PSMG4: variants seen among roughly 807,000 people sequenced by gnomAD.
PSMG4 encodes the protein proteasome (prosome, macropain) assembly chaperone 4.
In PSMG4, 10 loss-of-function variants were observed where a neutral mutation model predicts 11.0. That is an observed-to-expected ratio of 0.91 (90% CI 0.56 to 1.54). The LOEUF is 1.54. Among genes scored for constraint, PSMG4 ranks in the 40% most tolerant of loss-of-function variants. The pLI is 0.00. For synonymous variants in PSMG4, 95 were observed against 71.3 expected (o/e 1.33, Z -1.68); for missense variants, 198 against 160.9 (o/e 1.23, Z -1.25).
Position 3,259,212 on chromosome 6 carries a change from CCGAGGG to C in PSMG4, c.174+17_174+22del. On this transcript the variant is annotated intron_variant, in intron 1 of 2. Transcript: ENST00000438998. ...CAGCCGCTACGTGAGTGCCTGGCGGCCGAGGGTGCGGGCGGCGGGGCGGGGGCGCGG... is the reference window on the plus strand; with the variant it reads ...CAGCCGCTACGTGAGTGCCTGGCGGCTGCGGGCGGCGGGGCGGGGGCGCGG... 7.8e-7 allele frequency: 1 copy of C among 1,280,844 alleles called. No homozygotes were observed. Among genetic ancestry groups the C allele is most frequent in the Non-Finnish European group, 9.8e-7 (1 of 1,015,676 alleles). 79.3% of individuals were successfully genotyped at this position (1,280,844 alleles called of 1,614,324 possible). A position where few individuals can be genotyped will look rare whatever the true frequency, so the allele number is the denominator to read the frequency against.
At chr6:3,254,480 T>C (rs140022947), upstream of PSMG4, among the ~76,000 whole-genome samples, 4,360 of 152,106 alleles carry the variant, frequency 0.029, 215 homozygotes, top group African/African-American at 0.1. Context: ...TAGATAAATA[T>C]TGTTGCTGGT....
upstream of PSMG4, among the ~76,000 whole-genome samples, chr6:3,258,321 A>C (rs1318374101): frequency 6.6e-6 from 1 of 152,232 alleles, no homozygotes; most frequent in South Asian, 2.1e-4. Context: ...GGCCATGTAC[A>C]TGACTGCAGC....
chr6:3,257,465 C>A (rs1357856324), upstream of PSMG4, among the ~76,000 whole-genome samples: 1 of 152,178 alleles, frequency 6.6e-6, no homozygotes, highest in African/African-American at 2.4e-5. Flanking sequence ...AACTTTGTTT[C>A]CTTAATCTTT....
chr6:3,254,638 G>A (rs1455000879), upstream of PSMG4, among the ~76,000 whole-genome samples: 1 of 152,172 alleles, frequency 6.6e-6, no homozygotes, highest in African/African-American at 2.4e-5. Context: ...AACACTGATT[G>A]TGAAGGCCTA....
chr6:3,260,275 T>TTTTATATATATATATATATATA (rs1261021278), intron 1 of PSMG4, among the ~76,000 whole-genome samples: 1 of 69,098 alleles, frequency 1.4e-5, no homozygotes, highest in African/African-American at 6.2e-5. Context: ...TTGTCTTAAA[T>TTTTATATATATATATATATATA]TGTATATATA....
upstream of PSMG4, among the ~76,000 whole-genome samples, chr6:3,256,233 C>T (rs772033782): frequency 1.3e-5 from 2 of 152,148 alleles, no homozygotes; most frequent in Admixed American, 6.5e-5. Context: ...TAGCTCCTAC[C>T]CTATAGGGCA....
In PSMG4 at chr6:3,263,337, T is replaced by C. The variant is rs530033079; in HGVS notation, c.175-347T>C. Among the ~76,000 whole-genome samples, 171 of 152,376 alleles carry C rather than the reference T, an allele frequency of 1.1e-3. 2 individuals carry two copies. The highest frequency in any genetic ancestry group is 3.9e-3 in the African/African-American group (161 of 41,590). ...ACTGTGAGTCACTTTCTTCTTGCTG[T>C]AGCCTTAATGATCTTGTTTGCTTCC... On this transcript the variant is annotated intron_variant, in intron 1 of 2. Coordinates refer to ENST00000438998, the MANE Select transcript of PSMG4 (RefSeq NM_001128591.2).
At chr6:3,260,291 A>ATTTTT (rs869076629) in intron 1 of PSMG4, among the ~76,000 whole-genome samples, 22 of 70,846 alleles carry the variant, frequency 3.1e-4, no homozygotes, top group South Asian at 1.8e-3. Flanking sequence ...ATATATATAT[A>ATTTTT]TTTTTTTTTT....
At chr6:3,254,537 G>A (rs186905057), upstream of PSMG4, among the ~76,000 whole-genome samples, 74 of 152,220 alleles carry the variant, frequency 4.9e-4, no homozygotes, top group Admixed American at 1.2e-3. Context: ...CAATTATCTG[G>A]AAGGTGTGCA....
chr6:3,261,951 C>G (rs1042970938), intron 1 of PSMG4, among the ~76,000 whole-genome samples: 5 of 152,218 alleles, frequency 3.3e-5, no homozygotes, highest in African/African-American at 1.2e-4. Context: ...GAGAATGGCA[C>G]CAGACGGTCT....
chr6:3,267,453 G>A (rs1758238512), intron 2 of PSMG4, 138 bp from the exon 3 acceptor site: 2 of 920,072 alleles, frequency 2.2e-6, no homozygotes, highest in Non-Finnish European at 3.2e-6. Flanking sequence ...TCTGAAGAGA[G>A]GCATGGAGAT....
chr6:3,264,100 G>T (rs1445397222), intron 2 of PSMG4: 1 of 1,499,072 alleles, frequency 6.7e-7, no homozygotes, highest in Non-Finnish European at 8.9e-7. Context: ...CCCTGTGGGT[G>T]GTGGCTCAAG....
chr6:3,267,482 C>T (rs1335845455), intron 2 of PSMG4, 109 bp from the exon 3 acceptor site: 18 of 1,333,600 alleles, frequency 1.3e-5, no homozygotes, highest in East Asian at 7.8e-5. Flanking sequence ...TCTTTTCTCC[C>T]TACAACCCCA....
In PSMG4 at chr6:3,264,215, G is replaced by T. The variant is rs139604096; in HGVS notation, c.250+456G>T. ...TCAGTGTGATACCGTTCAGGGCTCG[G>T]AGGGAAGACTGGCCTGGCCTGTGAG... On this transcript the variant is annotated intron_variant, in intron 2 of 2. Coordinates refer to ENST00000438998, the MANE Select transcript of PSMG4 (RefSeq NM_001128591.2). The T allele has an allele frequency of 4.5e-6, 7 of 1,551,604 alleles. No homozygotes were observed. The African/African-American group carries it at 8.2e-5, about 18-fold the overall frequency.
chr6:3,260,561 C>A (rs1757952637), intron 1 of PSMG4, among the ~76,000 whole-genome samples: 1 of 151,996 alleles, frequency 6.6e-6, no homozygotes, highest in Non-Finnish European at 1.5e-5. Context: ...GCAAGCAAGT[C>A]CCTTTGGAAG....
At chr6:3,265,633 C>A (rs1364488474) in intron 2 of PSMG4, 1 of 118,902 alleles carries the variant, frequency 8.4e-6, no homozygotes, top group Admixed American at 8.7e-5. Flanking sequence ...TTGGTGAGCC[C>A]CAGCTTCCTA....
intron 2 of PSMG4, 135 bp from the exon 3 acceptor site, chr6:3,267,456 A>G (rs990018159): frequency 1.0e-6 from 1 of 964,322 alleles, no homozygotes; most frequent in African/African-American, 1.7e-5. Flanking sequence ...GAAGAGAGGC[A>G]TGGAGATTAG....
chr6:3,262,173 C>T (rs992643482), intron 1 of PSMG4, among the ~76,000 whole-genome samples: 7 of 152,184 alleles, frequency 4.6e-5, no homozygotes, highest in African/African-American at 9.7e-5. Context: ...TTGGACCCCC[C>T]GCCCGGCCTC....
intron 1 of PSMG4, among the ~76,000 whole-genome samples, chr6:3,260,292 T>TATATATATATATATA (rs1554129658): frequency 4.0e-4 from 5 of 12,638 alleles, no homozygotes; most frequent in African/African-American, 9.4e-4. Flanking sequence ...TATATATATA[T>TATATATATATATATA]TTTTTTTTTT....
Sources: allele counts gnomAD v4.1 joint callset (sites outside exome capture counted in the v4.1 genomes callset), GRCh38; gene constraint gnomAD v4.1.1; transcripts MANE v1.5; gene names NCBI Gene and HGNC (gene_info 2026-07-23, HGNC 2026-07-21).